AP1B1: variants seen among roughly 807,000 people sequenced by gnomAD.
The protein encoded by AP1B1 is AP-1 complex subunit beta-1.
Under a neutral mutation model 104.3 loss-of-function variants are expected in AP1B1, and 36 were observed. That is an observed-to-expected ratio of 0.35 (90% CI 0.26 to 0.46). The LOEUF is 0.46. Among genes scored for constraint, AP1B1 ranks in the 20% least tolerant of loss-of-function variants. The probability of loss-of-function intolerance (pLI) is 1.00; values close to 1 mark genes in which losing one functional copy is unlikely to be tolerated. For missense variants in AP1B1, 901 were observed against 1,247.9 expected, an observed-to-expected ratio of 0.72 and a Z score of 4.19; for synonymous variants, 504 against 517.5, an observed-to-expected ratio of 0.97 and a Z score of 0.35.
chr22:29,330,406 C>T lies in AP1B1; in HGVS notation c.2738G>A (p.Arg913Gln), dbSNP rs142354304. 1.7e-3 allele frequency: 2,785 copies of T among 1,613,628 alleles called. 2 individuals are homozygous for T. The highest frequency in any genetic ancestry group is 2.1e-3 in the Non-Finnish European group (2,528 of 1,179,938). Residue 913 changes from arginine to glutamine, a missense_variant, in exon 21 of 23, where the codon CGG becomes CAG. By Grantham distance (43) the Arg-to-Gln change is conservative. Transcript: ENST00000357586. Reference protein sequence around the residue: ...TNGIWVLAELRIQPGNPSCTD... With the variant: ...TNGIWVLAELQIQPGNPSCTD... Reference sequence around the variant, plus strand: ...GCAGCTGGGGTTGCCCGGCTGGATCCGCAGCTCCGCCAGCACCCAGATGCC... The same window carrying T: ...GCAGCTGGGGTTGCCCGGCTGGATCTGCAGCTCCGCCAGCACCCAGATGCC...
intron 11 of AP1B1, among the ~76,000 whole-genome samples, chr22:29,344,121 A>AG (rs1459593813): frequency 6.6e-6 from 1 of 152,076 alleles, no homozygotes; most frequent in East Asian, 1.9e-4. Context: ...AAAAAAAAAA[A>AG]AAAAAAGTAA....
intron 7 of AP1B1, among the ~76,000 whole-genome samples, chr22:29,353,793 A>C (rs535582322): frequency 2.0e-5 from 3 of 152,110 alleles, no homozygotes; most frequent in Non-Finnish European, 4.4e-5. Context: ...ACGAATGATC[A>C]ATGGTTGCTA....
rs1336520067 is a variant in AP1B1 at position 29,331,601 on chromosome 22, G to T, written c.2440-68C>A. ...CCACCTCTGAGGCCCCAGGAAGAGTGTCACTGAGCAGATTCTCTCCCAGGG... is the reference window on the plus strand; with the variant it reads ...CCACCTCTGAGGCCCCAGGAAGAGTTTCACTGAGCAGATTCTCTCCCAGGG... On this transcript the variant is annotated intron_variant, in intron 18 of 22. Transcript: ENST00000357586. The T allele has an allele frequency of 2.5e-6, 4 of 1,591,934 alleles. No individual in the cohort carries two copies. The Admixed American group carries it at 6.7e-5, about 27-fold the overall frequency.
intron 7 of AP1B1, among the ~76,000 whole-genome samples, 155 bp downstream of exon 7, chr22:29,354,495 G>A (rs572189352): frequency 2.6e-5 from 4 of 152,262 alleles, no homozygotes; most frequent in South Asian, 2.1e-4. Flanking sequence ...TATCCCTCAG[G>A]GGGGCAAAGC....
chr22:29,363,683 C>G (rs1038719109), intron 2 of AP1B1, among the ~76,000 whole-genome samples: 30 of 151,388 alleles, frequency 2.0e-4, no homozygotes, highest in Non-Finnish European at 3.8e-4. Context: ...TACTTGAGCT[C>G]AGGAGTTTGA....
intron 15 of AP1B1, 107 bp from the exon 16 acceptor site, chr22:29,339,240 G>A (rs2061679358): frequency 7.7e-7 from 1 of 1,303,040 alleles, no homozygotes; most frequent in African/African-American, 1.5e-5. Context: ...GGGGGCAGGG[G>A]GCAGGACAGC....
At chr22:29,363,323 C>A (rs1212687935) in intron 2 of AP1B1, among the ~76,000 whole-genome samples, 1 of 152,168 alleles carries the variant, frequency 6.6e-6, no homozygotes, top group African/African-American at 2.4e-5. Flanking sequence ...AGGCCGGGTG[C>A]AGTCGCTCAT....
At position 29,358,760 on chromosome 22, in the gene AP1B1, G is replaced by A; in HGVS notation, c.491C>T (p.Thr164Ile). The part of the protein sequence containing the change: ...QLVEDQGFLD[T>I]LKDLISDSNP... ...AGAGTCGGAGATGAGGTCTTTAAGGGTGTCCAGGAAGCCCTGGTCCTCCAC... is the reference window on the plus strand; with the variant it reads ...AGAGTCGGAGATGAGGTCTTTAAGGATGTCCAGGAAGCCCTGGTCCTCCAC... The change falls in exon 5 of 23, where the codon ACC (threonine) becomes ATC (isoleucine). Residue 164 changes from threonine to isoleucine, a missense_variant. Physicochemically the swap from Thr to Ile is moderately conservative, Grantham distance 89. Coordinates refer to ENST00000357586, the MANE Select transcript of AP1B1 (RefSeq NM_001127.4). 1 of 1,614,214 alleles carries A rather than the reference G, an allele frequency of 6.2e-7. No homozygotes were observed. The highest frequency in any genetic ancestry group is 8.5e-7 in the Non-Finnish European group (1 of 1,180,018).
chr22:29,342,758 C>T (rs779286179), intron 11 of AP1B1, among the ~76,000 whole-genome samples: 2 of 152,232 alleles, frequency 1.3e-5, no homozygotes, highest in East Asian at 1.9e-4. Context: ...CAACAAGTGG[C>T]GACAGTCCCA....
chr22:29,376,877 C>T (rs1007367623), intron 1 of AP1B1, among the ~76,000 whole-genome samples: 1 of 148,102 alleles, frequency 6.8e-6, no homozygotes, highest in Admixed American at 6.6e-5. Context: ...TTCACCACTC[C>T]TCATTTGTCT....
At chr22:29,354,611 G>A (rs576365149) in intron 7 of AP1B1, 39 bp downstream of exon 7, 11 of 1,588,254 alleles carry the variant, frequency 6.9e-6, no homozygotes, top group East Asian at 2.2e-5. Context: ...GAGGCTCCCC[G>A]AGGGGTACGC....
intron 16 of AP1B1, among the ~76,000 whole-genome samples, chr22:29,337,833 C>T (rs1252470133): frequency 6.6e-6 from 1 of 152,264 alleles, no homozygotes; most frequent in African/African-American, 2.4e-5. Context: ...CCCAGCACTC[C>T]TCCTCCCTGC....
chr22:29,334,519 C>T, intron 16 of AP1B1, 109 bp from the exon 17 acceptor site: 1 of 1,225,676 alleles, frequency 8.2e-7, no homozygotes, highest in Non-Finnish European at 1.1e-6. Flanking sequence ...AGGGGCCTCC[C>T]AGATCCAGCA....
chr22:29,342,195 G>C, intron 12 of AP1B1, 90 bp downstream of exon 12: 2 of 1,067,902 alleles, frequency 1.9e-6, no homozygotes, highest in Non-Finnish European at 2.8e-6. Flanking sequence ...TTAGGAGCGG[G>C]CCTGGCTTCC....
intron 1 of AP1B1, among the ~76,000 whole-genome samples, chr22:29,373,714 C>T (rs1404184528): frequency 6.6e-6 from 1 of 152,060 alleles, no homozygotes; most frequent in Non-Finnish European, 1.5e-5. Context: ...ACTGGCCTGG[C>T]TAACATGGTG....
At chr22:29,335,063 T>C (rs1298464761) in intron 16 of AP1B1, among the ~76,000 whole-genome samples, 2 of 152,198 alleles carry the variant, frequency 1.3e-5, no homozygotes, top group African/African-American at 4.8e-5. Flanking sequence ...AAATATGAGC[T>C]TGTGTCTGTC....
chr22:29,382,686 A>G (rs1045807154), intron 1 of AP1B1, among the ~76,000 whole-genome samples: 21 of 152,192 alleles, frequency 1.4e-4, no homozygotes, highest in Non-Finnish European at 5.9e-5. Flanking sequence ...TGAGAAGGTG[A>G]CAGGTGACAC....
intron 11 of AP1B1, among the ~76,000 whole-genome samples, chr22:29,343,500 G>A (rs766077694): frequency 6.6e-6 from 1 of 152,252 alleles, no homozygotes; most frequent in Non-Finnish European, 1.5e-5. Flanking sequence ...TAGGCTGGCT[G>A]TTTCCAAGGC....
chr22:29,344,478 G>A (rs1240772974), intron 11 of AP1B1, among the ~76,000 whole-genome samples: 1 of 151,746 alleles, frequency 6.6e-6, no homozygotes, highest in Non-Finnish European at 1.5e-5. Flanking sequence ...GGCAGGACAG[G>A]GCCAGACGCT....
Sources: allele counts gnomAD v4.1 joint callset (sites outside exome capture counted in the v4.1 genomes callset), GRCh38; gene constraint gnomAD v4.1.1; transcripts MANE v1.5; gene names NCBI Gene and HGNC (gene_info 2026-07-23, HGNC 2026-07-21).